The following CHN2 variants were observed in gnomAD, a reference collection of about 807,000 sequenced individuals.
The protein encoded by CHN2 is beta-chimaerin.
CHN2 carries 35 observed loss-of-function variants against 56.3 expected under a neutral mutation model. The observed-to-expected ratio is 0.62, with a 90% CI of 0.47 to 0.82. The LOEUF (loss-of-function observed/expected upper bound fraction) is 0.82, where lower values mean the gene tolerates loss of function less well. Ranked by LOEUF, CHN2 falls within the 40% of genes least tolerant of loss-of-function variation. CHN2 has a pLI of 0.00. For synonymous variants in CHN2, 210 were observed against 212.8 expected (o/e 0.99, Z 0.12); for missense variants, 491 against 580.5 (o/e 0.85, Z 1.58).
chr7:29,377,507 T>G (rs938095567), intron 3 of CHN2, among the ~76,000 whole-genome samples: 8 of 152,256 alleles, frequency 5.3e-5, no homozygotes. Flanking sequence ...TTCATTATCG[T>G]ATGTCAGAAA....
At chr7:29,403,945 A>G (rs575677420) in intron 6 of CHN2, among the ~76,000 whole-genome samples, 2 of 152,364 alleles carry the variant, frequency 1.3e-5, no homozygotes, top group South Asian at 4.1e-4. Context: ...CACATTTCAC[A>G]TATGTGAACT....
chr7:29,208,551 C>T (rs943150383), intron 1 of CHN2, among the ~76,000 whole-genome samples: 3 of 152,124 alleles, frequency 2.0e-5, no homozygotes, highest in East Asian at 1.9e-4. Context: ...CTTGCGCTGG[C>T]CTCTGCGGTT....
chr7:29,295,242 G>A (rs977885346), intron 1 of CHN2, among the ~76,000 whole-genome samples: 11 of 151,378 alleles, frequency 7.3e-5, no homozygotes, highest in African/African-American at 2.4e-4. Flanking sequence ...TTTTTGATTT[G>A]TGGTTGGTTG....
At chr7:29,365,328 A>G (rs900771589) in intron 2 of CHN2, among the ~76,000 whole-genome samples, 1 of 152,244 alleles carries the variant, frequency 6.6e-6, no homozygotes, top group Non-Finnish European at 1.5e-5. Flanking sequence ...ATACAAGACA[A>G]AGCAAAAACA....
chr7:29,277,299 A>G (rs1791313028), intron 1 of CHN2, among the ~76,000 whole-genome samples: 2 of 152,218 alleles, frequency 1.3e-5, no homozygotes, highest in Admixed American at 1.3e-4. Context: ...TGTCTGCCCA[A>G]GGGAACAGTC....
intron 1 of CHN2, among the ~76,000 whole-genome samples, chr7:29,228,184 G>A (rs987947749): frequency 3.7e-4 from 56 of 151,030 alleles, no homozygotes; most frequent in African/African-American, 1.4e-3. Flanking sequence ...ACACGTGTGT[G>A]TGTGTGTTTG....
chr7:29,228,218 A>C (rs915138624), intron 1 of CHN2, among the ~76,000 whole-genome samples: 2 of 151,486 alleles, frequency 1.3e-5, no homozygotes, highest in Admixed American at 1.3e-4. Flanking sequence ...AGAGAGAGAG[A>C]CAGAGAGAGA....
intron 2 of CHN2, among the ~76,000 whole-genome samples, chr7:29,151,625 G>C (rs1400153825): frequency 6.6e-6 from 1 of 152,148 alleles, no homozygotes; most frequent in Non-Finnish European, 1.5e-5. Context: ...AGCCCTGCGA[G>C]GTATATATTG....
At chr7:29,256,950 T>C (rs1441125697) in intron 1 of CHN2, among the ~76,000 whole-genome samples, 1 of 152,204 alleles carries the variant, frequency 6.6e-6, no homozygotes, top group African/African-American at 2.4e-5. Flanking sequence ...GATACTTTCT[T>C]GGAGCCCAGG....
intron 2 of CHN2, among the ~76,000 whole-genome samples, chr7:29,367,628 A>T (rs1227888807): frequency 6.6e-6 from 1 of 152,180 alleles, no homozygotes; most frequent in Non-Finnish European, 1.5e-5. Flanking sequence ...TAGTCAAAAG[A>T]ATTTTAGCCA....
intron 1 of CHN2, among the ~76,000 whole-genome samples, chr7:29,333,378 G>A (rs1019394837): frequency 6.6e-6 from 1 of 152,210 alleles, no homozygotes; most frequent in African/African-American, 2.4e-5. Context: ...CCTGCTCAGA[G>A]TCTTGTTCTC....
At chr7:29,396,997 C>T (rs1310127591) in intron 4 of CHN2, 5 of 152,252 alleles carry the variant, frequency 3.3e-5, no homozygotes, top group Admixed American at 2.0e-4. Flanking sequence ...CCACCAGAAC[C>T]GGGGATTCAC....
rs140408337 is a variant in CHN2 at position 29,226,350 on chromosome 7, A to C, written c.49+31360A>C. Among the ~76,000 whole-genome samples, 1,247 of 152,382 alleles carry C rather than the reference A, an allele frequency of 8.2e-3. 12 individuals are homozygous for C. Among genetic ancestry groups the C allele is most frequent in the Non-Finnish European group, 0.013 (858 of 68,030 alleles). ...AGCCAAGCCCACAGAGTACAGCAGC[A>C]TGAAACACAAACAAGAGTCACTGAT... is the stretch of plus-strand genomic sequence containing the variant. On this transcript the variant is annotated intron_variant, in intron 1 of 12. Transcript: ENST00000222792.
chr7:29,210,552 C>T (rs1784838078), intron 1 of CHN2, among the ~76,000 whole-genome samples: 1 of 151,892 alleles, frequency 6.6e-6, no homozygotes, highest in Non-Finnish European at 1.5e-5. Flanking sequence ...TGTGGAATTT[C>T]TAAATACAGA....
At chr7:29,460,668 T>G (rs1163375370) in intron 6 of CHN2, among the ~76,000 whole-genome samples, 2 of 152,214 alleles carry the variant, frequency 1.3e-5, no homozygotes, top group Non-Finnish European at 2.9e-5. Flanking sequence ...AGAGCATCAG[T>G]AATTCTTAGA....
chr7:29,354,004 C>T (rs1585139054), intron 1 of CHN2, among the ~76,000 whole-genome samples: 1 of 152,310 alleles, frequency 6.6e-6, no homozygotes, highest in East Asian at 1.9e-4. Flanking sequence ...CAATTTCAGC[C>T]TCTCCACTTT....
chr7:29,208,245 G>A lies in CHN2; in HGVS notation c.49+13255G>A, dbSNP rs75843369. Among the ~76,000 whole-genome samples the A allele has an allele frequency of 8.7e-3, 1,331 of 152,292 alleles. 6 individuals are homozygous for A. The highest frequency in any genetic ancestry group is 0.013 in the Non-Finnish European group (899 of 68,024). ...TCAGTATCCAATGGCCTGCGTGAAT[G>A]TATAGGATGGCTGGCTCCCCTTCAA... On this transcript the variant is annotated intron_variant, in intron 1 of 12. Coordinates refer to ENST00000222792, the MANE Select transcript of CHN2 (RefSeq NM_004067.4).
At chr7:29,368,159 A>T (rs1799321013) in intron 3 of CHN2, among the ~76,000 whole-genome samples, 172 bp downstream of exon 3, 2 of 152,180 alleles carry the variant, frequency 1.3e-5, no homozygotes, top group African/African-American at 2.4e-5. Context: ...GACATTATTT[A>T]AAAAATACTA....
rs1360834712 is a variant in CHN2, at chr7:29,508,912, AATACTACC to A, written c.1130-388_1130-381del. 8.4e-3 allele frequency among the ~76,000 whole-genome samples: 1,279 copies of A among 152,320 alleles called. 11 individuals are homozygous for A. The highest frequency in any genetic ancestry group is 0.027 in the African/African-American group (1,137 of 41,552). On this transcript the variant is annotated intron_variant, in intron 11 of 12. Coordinates refer to ENST00000222792, the MANE Select transcript of CHN2 (RefSeq NM_004067.4). ...AAGACTCATTAGACAACTGCAAGGCAATACTACCGTATGTGGTGCAGTTTAAATTAAAA... is the reference window on the plus strand; with the variant it reads ...AAGACTCATTAGACAACTGCAAGGCAGTATGTGGTGCAGTTTAAATTAAAA...
Sources: allele counts gnomAD v4.1 joint callset (sites outside exome capture counted in the v4.1 genomes callset), GRCh38; gene constraint gnomAD v4.1.1; transcripts MANE v1.5; gene names NCBI Gene and HGNC (gene_info 2026-07-23, HGNC 2026-07-21).